The following STPG2 variants were observed in gnomAD, a reference collection of about 807,000 sequenced individuals.
STPG2 encodes sperm-tail PG-rich repeat-containing protein 2.
In STPG2, 56 loss-of-function variants were observed where a neutral mutation model predicts 54.2. That is an observed-to-expected ratio of 1.03 (90% CI 0.83 to 1.29). The LOEUF is 1.29. STPG2 is among the 50% of genes most tolerant of loss of function. The pLI, the probability that STPG2 is intolerant of heterozygous loss-of-function variation, is 0.00. For missense variants in STPG2, 596 were observed against 544.9 expected (o/e 1.09, Z -0.93); for synonymous variants, 200 against 181.8 (o/e 1.10, Z -0.81).
intron 9 of STPG2, among the ~76,000 whole-genome samples, chr4:97,814,861 C>T (rs969019912): frequency 6.6e-6 from 1 of 152,092 alleles, no homozygotes; most frequent in East Asian, 1.9e-4. Context: ...GACTGACTTC[C>T]GTGCTCTTCA....
intron 4 of STPG2, among the ~76,000 whole-genome samples, chr4:97,547,962 C>T (rs1165315041): frequency 6.6e-6 from 1 of 151,796 alleles, no homozygotes; most frequent in Non-Finnish European, 1.5e-5. Context: ...ACCAGCCTGA[C>T]CAACGTGGAG....
intron 8 of STPG2, among the ~76,000 whole-genome samples, chr4:97,934,269 A>G (rs935491925): frequency 1.3e-5 from 2 of 152,178 alleles, no homozygotes; most frequent in Non-Finnish European, 2.9e-5. Flanking sequence ...GGCTGAGACA[A>G]TGTGGTTTTC....
At position 97,765,464 on chromosome 4, in the gene STPG2, T is replaced by A. The variant is rs537642324; in HGVS notation, c.1205-52650A>T. ...ACCCCATCAATGATAGATTTGGACA[T>A]GTGATTTGCTTTAGCTTAAAAAATA... On this transcript the variant is annotated intron_variant, in intron 9 of 10. Transcript: ENST00000295268. Among the ~76,000 whole-genome samples the A allele has an allele frequency of 7.9e-5, 12 of 152,244 alleles. No individual in the cohort carries two copies. In the South Asian group the frequency reaches 2.5e-3, roughly 32 times the overall value.
chr4:97,793,833 T>C (rs1727084106), intron 9 of STPG2, among the ~76,000 whole-genome samples: 1 of 152,090 alleles, frequency 6.6e-6, no homozygotes, highest in African/African-American at 2.4e-5. Context: ...AGAGTTTATA[T>C]GTCCCAAATC....
chr4:98,129,641 A>C (rs1739928460), intron 2 of STPG2, among the ~76,000 whole-genome samples: 1 of 152,148 alleles, frequency 6.6e-6, no homozygotes, highest in Admixed American at 6.5e-5. Context: ...TTATAATTTA[A>C]ATAAAAACAT....
intron 5 of STPG2, among the ~76,000 whole-genome samples, chr4:98,012,011 G>A (rs908638800): frequency 7.2e-5 from 11 of 152,210 alleles, no homozygotes; most frequent in East Asian, 3.9e-4. Context: ...TGGCATTTTC[G>A]TCATGAAATC....
intron 5 of STPG2, among the ~76,000 whole-genome samples, chr4:98,095,228 G>A (rs752192766): frequency 1.3e-4 from 19 of 151,876 alleles, no homozygotes; most frequent in Non-Finnish European, 1.8e-4. Flanking sequence ...TCACTTCCAC[G>A]AAAAGGAAGA....
At chr4:97,897,877 C>G (rs924971437) in intron 8 of STPG2, among the ~76,000 whole-genome samples, 1 of 148,260 alleles carries the variant, frequency 6.7e-6, no homozygotes, top group Non-Finnish European at 1.5e-5. Context: ...CTGTTGATAG[C>G]CTCCTTTGCC....
intron 10 of STPG2, among the ~76,000 whole-genome samples, chr4:97,603,805 T>C (rs890321306): frequency 2.6e-5 from 4 of 151,540 alleles, no homozygotes; most frequent in African/African-American, 4.8e-5. Flanking sequence ...AGACAGAAAG[T>C]AGAATGGTGA....
At chr4:97,692,473 T>A (rs995362771) in intron 10 of STPG2, among the ~76,000 whole-genome samples, 1 of 152,018 alleles carries the variant, frequency 6.6e-6, no homozygotes, top group African/African-American at 2.4e-5. Context: ...GGCTTTCAAA[T>A]TAACCCAATC....
chr4:97,570,833 C>T (rs1440240396), intron 10 of STPG2, among the ~76,000 whole-genome samples: 2 of 152,120 alleles, frequency 1.3e-5, no homozygotes, highest in Non-Finnish European at 2.9e-5. Context: ...CCAAAGCCAT[C>T]TGAGAACTAC....
intron 8 of STPG2, among the ~76,000 whole-genome samples, chr4:97,862,180 C>T (rs745427586): frequency 6.6e-6 from 1 of 151,760 alleles, no homozygotes; most frequent in Non-Finnish European, 1.5e-5. Context: ...GGAAACCCAT[C>T]TCACCTTTAT....
intron 8 of STPG2, among the ~76,000 whole-genome samples, chr4:97,881,196 A>G (rs1209257155): frequency 6.6e-6 from 1 of 152,164 alleles, no homozygotes; most frequent in Non-Finnish European, 1.5e-5. Context: ...CTTAAAAATT[A>G]AAAGACAAAA....
At chr4:97,873,397 C>T (rs991700785) in intron 8 of STPG2, among the ~76,000 whole-genome samples, 2 of 151,420 alleles carry the variant, frequency 1.3e-5, no homozygotes, top group African/African-American at 2.4e-5. Context: ...TACAGTGCAA[C>T]ATTTGTTTAT....
intron 9 of STPG2, among the ~76,000 whole-genome samples, chr4:97,777,923 A>G (rs1203050089): frequency 2.0e-5 from 3 of 152,134 alleles, no homozygotes; most frequent in African/African-American, 4.8e-5. Flanking sequence ...GAATCTATCA[A>G]TCAGGGGGGT....
At chr4:97,543,824 G>GT (rs1351682996) in intron 4 of STPG2, among the ~76,000 whole-genome samples, 3 of 151,996 alleles carry the variant, frequency 2.0e-5, no homozygotes, top group Admixed American at 1.3e-4. Context: ...TCAAATCTTG[G>GT]TAAGAATCAC....
At chr4:97,608,733 G>T (rs1733656001) in intron 10 of STPG2, among the ~76,000 whole-genome samples, 1 of 152,040 alleles carries the variant, frequency 6.6e-6, no homozygotes, top group Non-Finnish European at 1.5e-5. Flanking sequence ...CATTTAAAAT[G>T]CTAAGCTGCA....
intron 4 of STPG2, among the ~76,000 whole-genome samples, chr4:97,450,912 A>T (rs1019757281): frequency 5.3e-5 from 8 of 152,274 alleles, no homozygotes; most frequent in South Asian, 4.1e-4. Context: ...GTGTACTACT[A>T]ATTTCAAAGG....
intron 8 of STPG2, among the ~76,000 whole-genome samples, chr4:97,877,767 C>T (rs1730232343): frequency 6.6e-6 from 1 of 152,142 alleles, no homozygotes; most frequent in Non-Finnish European, 1.5e-5. Context: ...CCCTCCCAAT[C>T]TCATGTCTTC....
Sources: allele counts gnomAD v4.1 joint callset (sites outside exome capture counted in the v4.1 genomes callset), GRCh38; gene constraint gnomAD v4.1.1; transcripts MANE v1.5; gene names NCBI Gene and HGNC (gene_info 2026-07-23, HGNC 2026-07-21).